KCNAB1: variants seen among roughly 807,000 people sequenced by gnomAD.
KCNAB1 encodes voltage-gated potassium channel subunit beta-1.
KCNAB1 carries 35 observed loss-of-function variants against 64.6 expected under a neutral mutation model. The observed-to-expected ratio is 0.54, with a 90% confidence interval of 0.41 to 0.72. The LOEUF (loss-of-function observed/expected upper bound fraction) is 0.72, where lower values mean the gene tolerates loss of function less well. KCNAB1 is among the 30% of genes least tolerant of loss of function. The probability of loss-of-function intolerance (pLI) is 0.00; values close to 1 mark genes in which losing one functional copy is unlikely to be tolerated. For synonymous variants in KCNAB1, 177 were observed against 183.8 expected, an observed-to-expected ratio of 0.96 and a Z score of 0.30; for missense variants, 401 against 512.9, an observed-to-expected ratio of 0.78 and a Z score of 2.11.
At chr3:156,483,729 C>G (rs1344263361) in intron 8 of KCNAB1, among the ~76,000 whole-genome samples, 1 of 152,114 alleles carries the variant, frequency 6.6e-6, no homozygotes, top group African/African-American at 2.4e-5. Flanking sequence ...CATGTTGCCT[C>G]AGGTCCGGCA....
At chr3:156,208,885 A>T (rs1714836183) in intron 1 of KCNAB1, among the ~76,000 whole-genome samples, 1 of 152,256 alleles carries the variant, frequency 6.6e-6, no homozygotes, top group Non-Finnish European at 1.5e-5. Context: ...GCTTAATGAG[A>T]AATCTCAGTT....
chr3:156,327,382 A>T (rs1723031440), intron 1 of KCNAB1, among the ~76,000 whole-genome samples: 1 of 152,154 alleles, frequency 6.6e-6, no homozygotes, highest in African/African-American at 2.4e-5. Flanking sequence ...TTTAAGGATG[A>T]TCCATAATGA....
At chr3:156,429,867 G>C (rs944663261) in intron 2 of KCNAB1, among the ~76,000 whole-genome samples, 1 of 152,072 alleles carries the variant, frequency 6.6e-6, no homozygotes, top group African/African-American at 2.4e-5. Flanking sequence ...GTGAACTATC[G>C]TAACTCCGAA....
intron 8 of KCNAB1, among the ~76,000 whole-genome samples, chr3:156,486,440 C>T (rs935707867): frequency 6.6e-6 from 1 of 152,204 alleles, no homozygotes; most frequent in Admixed American, 6.5e-5. Flanking sequence ...TGGGAGAAGG[C>T]TGCCTCTTCA....
chr3:156,164,194 G>T (rs1716237844), intron 1 of KCNAB1, among the ~76,000 whole-genome samples: 1 of 152,144 alleles, frequency 6.6e-6, no homozygotes, highest in African/African-American at 2.4e-5. Flanking sequence ...TAACTTTATG[G>T]TTTAGATGTG....
At chr3:156,298,718 C>A (rs568550191) in intron 1 of KCNAB1, among the ~76,000 whole-genome samples, 30 of 152,236 alleles carry the variant, frequency 2.0e-4, no homozygotes, top group African/African-American at 7.0e-4. Flanking sequence ...AGAGAAAAGT[C>A]TCTTATGAGA....
intron 1 of KCNAB1, among the ~76,000 whole-genome samples, chr3:156,236,243 C>A (rs1016689258): frequency 2.0e-5 from 3 of 152,174 alleles, no homozygotes; most frequent in Admixed American, 1.3e-4. Context: ...AGAGCAGCAG[C>A]TCTGGATGCT....
At chr3:156,196,460 T>A (rs1359620186) in intron 1 of KCNAB1, among the ~76,000 whole-genome samples, 1 of 152,180 alleles carries the variant, frequency 6.6e-6, no homozygotes, top group Non-Finnish European at 1.5e-5. Context: ...GTTTTTCCAT[T>A]TGTTTGTGTC....
chr3:156,322,562 C>T (rs1405995498), intron 1 of KCNAB1, among the ~76,000 whole-genome samples: 1 of 152,132 alleles, frequency 6.6e-6, no homozygotes, highest in African/African-American at 2.4e-5. Context: ...GCAAATACTA[C>T]ACCATCTTAA....
At chr3:156,440,308 A>C (rs763136163) in intron 2 of KCNAB1, among the ~76,000 whole-genome samples, 13 of 152,220 alleles carry the variant, frequency 8.5e-5, no homozygotes, top group Non-Finnish European at 1.8e-4. Context: ...ACAGCTTGTT[A>C]GGAAATGTCA....
Position 156,538,104 on chromosome 3 carries a change from CTA to C in KCNAB1, c.*1360_*1361del, listed in dbSNP as rs1325685430. On this transcript the variant is annotated 3_prime_UTR_variant, in exon 14 of 14. Coordinates refer to ENST00000490337, the MANE Select transcript of KCNAB1 (RefSeq NM_172160.3). ...ATCCCACTTGAGAAAAATTGTGAGACTATACTGTGTCAATATCTGTAAAAAGA... is the reference window on the plus strand; with the variant it reads ...ATCCCACTTGAGAAAAATTGTGAGACTACTGTGTCAATATCTGTAAAAAGA... 19 of 151,816 alleles carry C rather than the reference CTA, an allele frequency of 1.3e-4. No individual in the cohort carries two copies. The highest frequency in any genetic ancestry group is 1.0e-3 in the Admixed American group (16 of 15,242). 9.4% of individuals were successfully genotyped at this position (151,816 alleles called of 1,614,324 possible).
In KCNAB1 at chr3:156,246,535, A is replaced by C. The variant is rs139698820; in HGVS notation, c.275+125649A>C. ...GGAAAATAGCTTGAACCCGAGAGGC[A>C]GAGGTTGCAGTGAGCCAAGATCATG... On this transcript the variant is annotated intron_variant, in intron 1 of 13. Coordinates refer to ENST00000490337, the MANE Select transcript of KCNAB1 (RefSeq NM_172160.3). 7.6e-3 allele frequency among the ~76,000 whole-genome samples: 1,150 copies of C among 151,558 alleles called. 13 individuals carry two copies. The highest frequency in any genetic ancestry group is 0.027 in the African/African-American group (1,102 of 41,298).
At position 156,124,576 on chromosome 3, in the gene KCNAB1, C is replaced by CACATAT. The variant is rs548707157; in HGVS notation, c.275+3694_275+3699dup. 5.6e-3 allele frequency among the ~76,000 whole-genome samples: 856 copies of CACATAT among 152,112 alleles called. 9 individuals are homozygous for CACATAT. Among genetic ancestry groups the CACATAT allele is most frequent in the African/African-American group, 0.019 (802 of 41,492 alleles). On this transcript the variant is annotated intron_variant, in intron 1 of 13. Transcript: ENST00000490337. ...AATGTATTATATATGTGTATATTTA[C>CACATAT]ACATATACACATATACAGAGATATG...
At chr3:156,461,047 A>G (rs1413441965) in intron 5 of KCNAB1, among the ~76,000 whole-genome samples, 2 of 152,198 alleles carry the variant, frequency 1.3e-5, no homozygotes, top group Non-Finnish European at 1.5e-5. Flanking sequence ...ATAGAAAACT[A>G]TATTCCACCT....
intron 1 of KCNAB1, among the ~76,000 whole-genome samples, chr3:156,203,775 C>T (rs1423410449): frequency 6.6e-6 from 1 of 152,038 alleles, no homozygotes; most frequent in Non-Finnish European, 1.5e-5. Flanking sequence ...TTTTCCAATC[C>T]AGATTCTTTC....
At chr3:156,426,509 G>C (rs1400736403) in intron 2 of KCNAB1, among the ~76,000 whole-genome samples, 1 of 152,072 alleles carries the variant, frequency 6.6e-6, no homozygotes, top group Non-Finnish European at 1.5e-5. Context: ...GTTTACATTA[G>C]GGTTCACTAT....
At chr3:156,413,518 T>G (rs1714828901) in intron 1 of KCNAB1, among the ~76,000 whole-genome samples, 1 of 152,190 alleles carries the variant, frequency 6.6e-6, no homozygotes, top group African/African-American at 2.4e-5. Flanking sequence ...ATGAAGTAGT[T>G]TCTATTATTA....
chr3:156,366,524 C>G (rs1187206036), intron 1 of KCNAB1, among the ~76,000 whole-genome samples: 1 of 152,188 alleles, frequency 6.6e-6, no homozygotes, highest in East Asian at 1.9e-4. Context: ...TTGATAAAGT[C>G]AGGCGTGATG....
intron 2 of KCNAB1, among the ~76,000 whole-genome samples, chr3:156,425,959 T>C (rs2108233319): frequency 6.6e-6 from 1 of 152,142 alleles, no homozygotes; most frequent in Non-Finnish European, 1.5e-5. Flanking sequence ...CAGGAAGCAA[T>C]GCAAGCAACG....
Sources: allele counts gnomAD v4.1 joint callset (sites outside exome capture counted in the v4.1 genomes callset), GRCh38; gene constraint gnomAD v4.1.1; transcripts MANE v1.5; gene names NCBI Gene and HGNC (gene_info 2026-07-23, HGNC 2026-07-21).